The following GATA5 variants were observed in gnomAD, a reference collection of about 807,000 sequenced individuals.
GATA5 encodes the protein GATA binding protein 5, also known as transcription factor GATA-5.
A neutral mutation model predicts 35.0 loss-of-function variants in GATA5; 27 were observed. That is an observed-to-expected ratio of 0.77 (90% CI 0.57 to 1.06). GATA5 has a LOEUF of 1.06. GATA5 is among the 50% of genes least tolerant of loss of function. The probability of loss-of-function intolerance (pLI) is 0.00; values close to 1 mark genes in which losing one functional copy is unlikely to be tolerated. For missense variants in GATA5, 612 were observed against 580.0 expected (o/e 1.06, Z -0.57); for synonymous variants, 306 against 267.8 (o/e 1.14, Z -1.39).
chr20:62,465,926 C>T lies in GATA5; in HGVS notation c.826-5G>A. 1 of 1,580,978 alleles carries T rather than the reference C, an allele frequency of 6.3e-7. No individual in the cohort carries two copies. The highest frequency in any genetic ancestry group is 1.8e-4 in the Middle Eastern group (1 of 5,494). ...CATAGCCAGAGGCCGCGGCACCTGG[C>T]AGGGGTGGCGAGGGTGGAGGCTGGT... On this transcript the variant is annotated splice_polypyrimidine_tract_variant and splice_region_variant and intron_variant, in intron 4 of 6. Transcript: ENST00000252997.
chr20:62,472,162 G>A (rs1280135315), intron 3 of GATA5, among the ~76,000 whole-genome samples: 3 of 152,122 alleles, frequency 2.0e-5, no homozygotes, highest in East Asian at 3.9e-4. Context: ...AGCCAAGAGG[G>A]GGATGGACTC....
In GATA5 at chr20:62,475,459, G is replaced by A. The variant is rs1555897082; in HGVS notation, c.63C>T (p.Ser21=). The A allele has an allele frequency of 2.2e-6, 3 of 1,339,768 alleles. No homozygotes were observed. The highest frequency in any genetic ancestry group is 2.1e-5 in the South Asian group (1 of 46,580). 83.0% of individuals were successfully genotyped at this position (1,339,768 alleles called of 1,614,324 possible). ...AGCCGGCGCCCGGAGCGTGCAGGAA[G>A]GAGCCCGAGTCGGCGTAGGCGGCCT... is the stretch of plus-strand genomic sequence containing the variant. The part of the protein sequence containing the change: ...PRQAAYADSG[S]FLHAPGAGSP... Residue 21 remains serine (S), a synonymous_variant, in exon 2 of 7, where the codon TCC becomes TCT. Transcript: ENST00000252997.
intron 3 of GATA5, among the ~76,000 whole-genome samples, chr20:62,471,791 T>A (rs1256667574): frequency 6.6e-6 from 1 of 151,422 alleles, no homozygotes; most frequent in African/African-American, 2.4e-5. Flanking sequence ...TGCCTTGGTG[T>A]GATCATAGCT....
intron 3 of GATA5, among the ~76,000 whole-genome samples, chr20:62,472,543 T>G (rs1555896671): frequency 1.3e-5 from 2 of 152,246 alleles, no homozygotes; most frequent in Non-Finnish European, 2.9e-5. Flanking sequence ...GAGGACTTGG[T>G]GCCCAGGAAC....
In GATA5 at chr20:62,464,807, G is replaced by A. The variant is rs1555895837; in HGVS notation, c.*29C>T. ...CTCAGTGGGTGGTCTGTTCCAGGCT[G>A]TTCCCCTGACATGGGCTGGCCTGGG... is the stretch of plus-strand genomic sequence containing the variant. On this transcript the variant is annotated 3_prime_UTR_variant, in exon 7 of 7. Coordinates refer to ENST00000252997, the MANE Select transcript of GATA5 (RefSeq NM_080473.5). The A allele has an allele frequency of 6.4e-7, 1 of 1,557,216 alleles. No homozygotes were observed. Among genetic ancestry groups the A allele is most frequent in the Non-Finnish European group, 8.7e-7 (1 of 1,150,304 alleles).
Position 62,475,278 on chromosome 20 carries a change from G to T in GATA5, c.244C>A (p.Pro82Thr), listed in dbSNP as rs1396325756. 1 of 1,245,924 alleles carries T rather than the reference G, an allele frequency of 8.0e-7. No individual in the cohort carries two copies. Among genetic ancestry groups the T allele is most frequent in the East Asian group, 3.2e-5 (1 of 31,646 alleles). 77.2% of individuals were successfully genotyped at this position (1,245,924 alleles called of 1,614,324 possible). ...SSAFGPGSPH[P>T]PAAHPPGATA... ...GCCCCGGGCGGGTGCGCGGCTGGGG[G>T]GTGCGGACTGCCCGGGCCGAAGGCC... is the stretch of plus-strand genomic sequence containing the variant. The change falls in exon 2 of 7, where the codon CCC becomes ACC. Residue 82 changes from proline (P) to threonine (T), a missense_variant. By Grantham distance (38) the Pro-to-Thr change is conservative (BLOSUM62 -1). Coordinates refer to ENST00000252997, the MANE Select transcript of GATA5 (RefSeq NM_080473.5).
chr20:62,475,887 G>T, intron 1 of GATA5, 43 bp downstream of exon 1: 1 of 170,190 alleles, frequency 5.9e-6, no homozygotes, highest in Admixed American at 6.3e-5. Flanking sequence ...GAGGGGCCGG[G>T]TGGGGAGGGG....
In GATA5 at chr20:62,475,466, G is replaced by T; in HGVS notation, c.56C>A (p.Ser19Ter). The change falls in exon 2 of 7, where the codon TCG becomes TAG. Residue 19 changes from serine to a stop codon, truncating the protein, a stop_gained. Transcript: ENST00000252997. LOFTEE classifies it high-confidence loss of function. ...ASPRQAAYAD[S>*]GSFLHAPGAG... ...GCCCGGAGCGTGCAGGAAGGAGCCC[G>T]AGTCGGCGTAGGCGGCCTGGCGGGG... is the stretch of plus-strand genomic sequence containing the variant. 2 of 1,338,094 alleles carry T rather than the reference G, an allele frequency of 1.5e-6. No homozygotes were observed. The highest frequency in any genetic ancestry group is 1.5e-5 in the African/African-American group (1 of 66,032). The allele number at this position is 1,338,094 out of a possible 1,614,324, so 82.9% of individuals were successfully genotyped here.
chr20:62,475,449 C>T lies in GATA5; in HGVS notation c.73G>A (p.Ala25Thr). The change falls in exon 2 of 7, where the codon GCT (alanine) becomes ACT (threonine). Residue 25 changes from alanine (A) to threonine (T), a missense_variant. By Grantham distance (58) the Ala-to-Thr change is moderately conservative (BLOSUM62 0). Transcript: ENST00000252997. The part of the protein sequence containing the change: ...AYADSGSFLH[A>T]PGAGSPMFVP... ...AACATCGGAGAGCCGGCGCCCGGAG[C>T]GTGCAGGAAGGAGCCCGAGTCGGCG... The T allele has an allele frequency of 7.4e-7, 1 of 1,345,904 alleles. No individual in the cohort carries two copies. The highest frequency in any genetic ancestry group is 9.5e-7 in the Non-Finnish European group (1 of 1,052,386). The allele number at this position is 1,345,904 out of a possible 1,614,324, so 83.4% of individuals were successfully genotyped here.
intron 3 of GATA5, among the ~76,000 whole-genome samples, chr20:62,471,803 A>C (rs1280488711): frequency 6.6e-6 from 1 of 150,508 alleles, no homozygotes; most frequent in East Asian, 2.0e-4. Flanking sequence ...ATCATAGCTT[A>C]CTATACCCTT....
chr20:62,464,701 GGA>G lies in GATA5; in HGVS notation c.*133_*134del. Reference sequence around the variant, plus strand: ...CCAGAAGGCCTCCCCACCACTGTGTGGAGACTCCAGCAGACCCAGTCTCTGGG... The same window carrying G: ...CCAGAAGGCCTCCCCACCACTGTGTGGACTCCAGCAGACCCAGTCTCTGGG... On this transcript the variant is annotated 3_prime_UTR_variant, in exon 7 of 7. Transcript: ENST00000252997. 1 of 771,802 alleles carries G rather than the reference GGA, an allele frequency of 1.3e-6. No homozygotes were observed. The highest frequency in any genetic ancestry group is 2.0e-6 in the Non-Finnish European group (1 of 497,140). The allele number at this position is 771,802 out of a possible 1,614,324, so 47.8% of individuals were successfully genotyped here.
chr20:62,474,990 C>T lies in GATA5; in HGVS notation c.523+9G>A, dbSNP rs1294019489. On this transcript the variant is annotated intron_variant, in intron 2 of 6. Coordinates refer to ENST00000252997, the MANE Select transcript of GATA5 (RefSeq NM_080473.5). ...CTGGGCCCCGAGACTGTGGAGCCCC[C>T]GCACTCACCGAAGGTGGGCCTGCGG... The T allele has an allele frequency of 1.5e-6, 2 of 1,316,868 alleles. No homozygotes were observed. Among genetic ancestry groups the T allele is most frequent in the Non-Finnish European group, 1.9e-6 (2 of 1,029,974 alleles). 81.6% of individuals were successfully genotyped at this position (1,316,868 alleles called of 1,614,324 possible). A position where few individuals can be genotyped will look rare whatever the true frequency, so the allele number is the denominator to read the frequency against.
At chr20:62,465,194 G>A (rs1241466049) in intron 6 of GATA5, 146 bp downstream of exon 6, 4 of 979,350 alleles carry the variant, frequency 4.1e-6, no homozygotes, top group Non-Finnish European at 5.8e-6. Flanking sequence ...TCTAGGGGAA[G>A]GGCCACCATA....
intron 3 of GATA5, among the ~76,000 whole-genome samples, chr20:62,467,050 T>C (rs546761182): frequency 6.6e-6 from 1 of 152,342 alleles, no homozygotes; most frequent in African/African-American, 2.4e-5. Flanking sequence ...CACCTGCCTA[T>C]GTCTCCCCAT....
At chr20:62,468,529 A>G (rs1236331919) in intron 3 of GATA5, among the ~76,000 whole-genome samples, 3 of 152,222 alleles carry the variant, frequency 2.0e-5, no homozygotes, top group Admixed American at 2.0e-4. Context: ...GGCAGTTGCC[A>G]AAGGCTCTGG....
chr20:62,468,346 A>T (rs1003652675), intron 3 of GATA5, among the ~76,000 whole-genome samples: 2 of 152,270 alleles, frequency 1.3e-5, no homozygotes, highest in African/African-American at 4.8e-5. Flanking sequence ...CTCTATGATC[A>T]GATGAGGGCC....
At chr20:62,472,863 G>A (rs545080809) in intron 3 of GATA5, among the ~76,000 whole-genome samples, 25 of 152,220 alleles carry the variant, frequency 1.6e-4, no homozygotes, top group African/African-American at 5.3e-4. Context: ...GTGTCCCTGC[G>A]GTCCCTGAAA....
intron 2 of GATA5, 58 bp downstream of exon 2, chr20:62,474,941 G>C: frequency 1.6e-6 from 2 of 1,251,908 alleles, no homozygotes; most frequent in Non-Finnish European, 2.0e-6. Context: ...CAGGGTGCGG[G>C]TTTGCACCCG....
At chr20:62,466,324 T>A in intron 4 of GATA5, 102 bp downstream of exon 4, 1 of 1,329,274 alleles carries the variant, frequency 7.5e-7, no homozygotes, top group South Asian at 1.4e-5. Context: ...ACAATAGCCA[T>A]CCTGCCCGCT....
Sources: gnomAD v4.1 joint callset for allele counts (sites outside exome capture counted in the v4.1 genomes callset) on GRCh38, gnomAD v4.1.1 for gene constraint, MANE v1.5 for transcripts, NCBI Gene and HGNC (gene_info 2026-07-23, HGNC 2026-07-21) for gene names.